Variants in RPS6KC1 observed in about 807,000 individuals in gnomAD.
RPS6KC1 encodes ribosomal protein S6 kinase C1, also known as inactive ribosomal protein S6 kinase delta-1.
Under a neutral mutation model 103.8 loss-of-function variants are expected in RPS6KC1, and 54 were observed. That is an observed-to-expected ratio of 0.52 (90% CI 0.42 to 0.65). The LOEUF (loss-of-function observed/expected upper bound fraction) is 0.65, where lower values mean the gene tolerates loss of function less well. Among genes scored for constraint, RPS6KC1 ranks in the 30% least tolerant of loss-of-function variants. The pLI is 0.00. For synonymous variants in RPS6KC1, 439 were observed against 438.7 expected, an observed-to-expected ratio of 1.00 and a Z score of -0.01; for missense variants, 1,151 against 1,253.8, an observed-to-expected ratio of 0.92 and a Z score of 1.24.
the RPS6KC1 span, among the ~76,000 whole-genome samples, chr1:213,319,699 C>T: frequency 9.2e-5 from 14 of 151,852 alleles, no homozygotes; most frequent in East Asian, 3.9e-4. Context: ...CCTTGCTTGT[C>T]GGGTGGAACT....
chr1:213,263,199 C>T (rs937467972), intron 14 of RPS6KC1, among the ~76,000 whole-genome samples: 9 of 152,098 alleles, frequency 5.9e-5, no homozygotes, highest in African/African-American at 2.2e-4. Flanking sequence ...TATAAGTTTA[C>T]TCAGGTATTT....
chr1:213,315,304 A>C, the RPS6KC1 span, among the ~76,000 whole-genome samples: 3 of 152,170 alleles, frequency 2.0e-5, no homozygotes, highest in Non-Finnish European at 4.4e-5. Flanking sequence ...CTCTCTGTCC[A>C]TTGGTATGAT....
the RPS6KC1 span, among the ~76,000 whole-genome samples, chr1:213,783,815 C>CAAAAAAAAAAAAAAAA: frequency 3.0e-5 from 2 of 65,992 alleles, no homozygotes; most frequent in African/African-American, 7.4e-5. Context: ...AAGATGTTGC[C>CAAAAAAAAAAAAAAAA]AAAAAAAAAA....
At chr1:213,583,820 CAAAAAAA>C in the RPS6KC1 span, among the ~76,000 whole-genome samples, 74 of 76,674 alleles carry the variant, frequency 9.7e-4, no homozygotes, top group African/African-American at 2.9e-3. Context: ...GATTCTGTCT[CAAAAAAA>C]AAAAAAAAAA....
intron 8 of RPS6KC1, among the ~76,000 whole-genome samples, chr1:213,222,266 C>T (rs569255661): frequency 6.6e-6 from 1 of 152,122 alleles, no homozygotes; most frequent in Non-Finnish European, 1.5e-5. Context: ...CTTTGTTACC[C>T]ATAAATCTTG....
intron 8 of RPS6KC1, among the ~76,000 whole-genome samples, chr1:213,187,895 C>T (rs2092599541): frequency 6.6e-6 from 1 of 151,934 alleles, no homozygotes; most frequent in Non-Finnish European, 1.5e-5. Flanking sequence ...AGGTAACTGC[C>T]TCTTTTTAGC....
At chr1:213,566,147 A>G in the RPS6KC1 span, among the ~76,000 whole-genome samples, 1 of 152,172 alleles carries the variant, frequency 6.6e-6, no homozygotes, top group South Asian at 2.1e-4. Flanking sequence ...GTAAAATATT[A>G]TTGGTAGTAC....
At chr1:213,213,418 T>A (rs1040212421) in intron 8 of RPS6KC1, among the ~76,000 whole-genome samples, 3 of 152,210 alleles carry the variant, frequency 2.0e-5, no homozygotes, top group Admixed American at 1.3e-4. Context: ...GATTGGTTTG[T>A]CTATTCTTTA....
the RPS6KC1 span, among the ~76,000 whole-genome samples, chr1:213,311,118 GT>G: frequency 6.6e-6 from 1 of 151,924 alleles, no homozygotes; most frequent in African/African-American, 2.4e-5. Context: ...AGAAGGACTG[GT>G]TTTCTTTTTT....
At chr1:213,137,982 A>C (rs542448408) in intron 6 of RPS6KC1, among the ~76,000 whole-genome samples, 12 of 150,244 alleles carry the variant, frequency 8.0e-5, no homozygotes, top group African/African-American at 2.7e-4. Flanking sequence ...TTTGTTTCCT[A>C]GTGGTGCTGA....
chr1:213,480,576 G>A, the RPS6KC1 span, among the ~76,000 whole-genome samples: 2 of 151,888 alleles, frequency 1.3e-5, no homozygotes, highest in Admixed American at 1.3e-4. Context: ...CTTAATATCA[G>A]GATACAATTA....
chr1:213,421,145 C>G, the RPS6KC1 span, among the ~76,000 whole-genome samples: 1 of 152,154 alleles, frequency 6.6e-6, no homozygotes, highest in Admixed American at 6.6e-5. Flanking sequence ...TTTTTTGAGA[C>G]AGAGTTTCCG....
chr1:213,710,150 A>C, the RPS6KC1 span, among the ~76,000 whole-genome samples: 1 of 152,312 alleles, frequency 6.6e-6, no homozygotes, highest in African/African-American at 2.4e-5. Flanking sequence ...GTGGGAGTCT[A>C]AGTCTCCATT....
chr1:213,557,228 C>T, the RPS6KC1 span, among the ~76,000 whole-genome samples: 6 of 152,180 alleles, frequency 3.9e-5, no homozygotes, highest in Non-Finnish European at 8.8e-5. Flanking sequence ...TGAGCTCATA[C>T]CTCTCCACCC....
chr1:213,243,082 C>G (rs1446940970), intron 12 of RPS6KC1, among the ~76,000 whole-genome samples: 2 of 151,962 alleles, frequency 1.3e-5, no homozygotes, highest in African/African-American at 2.4e-5. Flanking sequence ...TGCAGCCTCC[C>G]AACTCCTGGG....
intron 6 of RPS6KC1, among the ~76,000 whole-genome samples, chr1:213,143,790 C>T (rs1329864594): frequency 6.7e-6 from 1 of 149,520 alleles, no homozygotes; most frequent in African/African-American, 2.5e-5. Flanking sequence ...TGACGTGAAC[C>T]ACACTGGGCA....
chr1:213,597,251 G>C, the RPS6KC1 span, among the ~76,000 whole-genome samples: 7 of 152,224 alleles, frequency 4.6e-5, no homozygotes, highest in Admixed American at 2.0e-4. Context: ...CTTTATTCTG[G>C]TTAAGAAAAT....
intron 14 of RPS6KC1, among the ~76,000 whole-genome samples, chr1:213,271,775 A>AC (rs2095053776): frequency 6.6e-6 from 1 of 151,790 alleles, no homozygotes; most frequent in East Asian, 1.9e-4. Flanking sequence ...AAAAAAAAAA[A>AC]AAAAAAAATG....
At chr1:213,118,021 CAAAA>C (rs59318173) in intron 5 of RPS6KC1, among the ~76,000 whole-genome samples, 4 of 34,178 alleles carry the variant, frequency 1.2e-4, no homozygotes, top group Non-Finnish European at 2.3e-4. Context: ...GACTTTGTCT[CAAAA>C]AAAAAAAAAA....
Sources: allele counts gnomAD v4.1 joint callset (sites outside exome capture counted in the v4.1 genomes callset), GRCh38; gene constraint gnomAD v4.1.1; transcripts MANE v1.5; gene names NCBI Gene and HGNC (gene_info 2026-07-23, HGNC 2026-07-21).